HEPN1: variants seen among roughly 807,000 people sequenced by gnomAD.
HEPN1 encodes the protein hepatocellular carcinoma, down-regulated 1, also known as protein HEPN1.
For missense variants in HEPN1, 97 were observed against 103.3 expected (o/e 0.94, Z 0.26); for synonymous variants, 46 against 41.2 (o/e 1.12, Z -0.45).
At chr11:124,919,877 TC>T in the HEPN1 span, 1 of 1,614,172 alleles carries the variant, frequency 6.2e-7, no homozygotes, top group Non-Finnish European at 8.5e-7. Flanking sequence ...ACAGAGGGCC[TC>T]CTTCTCTTTC....
chr11:124,919,554 A>G lies in HEPN1; in HGVS notation c.-197A>G, dbSNP rs1379751623. On this transcript the variant is annotated 5_prime_UTR_variant, in exon 1 of 1. An upstream start codon of the reference 5' UTR is lost. Transcript: ENST00000408930. ...CCTTCTTGAGAAACTTTTCCCCTACATGCATTATCTCATTATGGATGAGGC... is the reference window on the plus strand; with the variant it reads ...CCTTCTTGAGAAACTTTTCCCCTACGTGCATTATCTCATTATGGATGAGGC... 2 of 606,202 alleles carry G rather than the reference A, an allele frequency of 3.3e-6. No homozygotes were observed. Among genetic ancestry groups the G allele is most frequent in the South Asian group, 2.1e-5 (1 of 46,824 alleles). The allele number at this position is 606,202 out of a possible 1,614,324, so 37.6% of individuals were successfully genotyped here.
At position 124,920,352 on chromosome 11, in the gene HEPN1, C is replaced by T. The variant is rs138336103; in HGVS notation, c.*335C>T. On this transcript the variant is annotated 3_prime_UTR_variant, in exon 1 of 1. Coordinates refer to ENST00000408930, the Ensembl canonical transcript of HEPN1. ...AATTCACTTCTCTATAAGAATAAGCCCATCCATCTCTTTTATTCATGAACA... is the reference window on the plus strand; with the variant it reads ...AATTCACTTCTCTATAAGAATAAGCTCATCCATCTCTTTTATTCATGAACA... The T allele has an allele frequency of 3.3e-6, 5 of 1,513,346 alleles. No homozygotes were observed. In the African/African-American group the frequency reaches 6.9e-5, roughly 21 times the overall value. The allele number at this position is 1,513,346 out of a possible 1,614,324, so 93.7% of individuals were successfully genotyped here.
At chr11:124,920,677 GCA>G (rs1491245979), downstream of HEPN1, 579 of 107,916 alleles carry the variant, frequency 5.4e-3, 11 homozygotes, top group South Asian at 0.015. Context: ...ATCTGAACTT[GCA>G]AAAAAAAAAA....
chr11:124,919,780 A>T (rs1947098525), exon 1 of HEPN1: 1 of 1,613,996 alleles, frequency 6.2e-7, no homozygotes, highest in Non-Finnish European at 8.5e-7. Flanking sequence ...GAATTGCTCC[A>T]TGGGTTGATG....
At chr11:124,919,783 G>C in exon 1 of HEPN1, 1 of 1,614,126 alleles carries the variant, frequency 6.2e-7, no homozygotes, top group South Asian at 1.1e-5. Flanking sequence ...TTGCTCCATG[G>C]GTTGATGGCG....
At position 124,919,838 on chromosome 11, in the gene HEPN1, G is replaced by C. The variant is rs146650696; in HGVS notation, c.88G>C (p.Glu30Gln). 609 of 1,614,134 alleles carry C rather than the reference G, an allele frequency of 3.8e-4. 4 individuals carry two copies. In the African/African-American group the frequency reaches 7.5e-3, roughly 20 times the overall value. ...GAGACTAGGGATGCAAGGACCCTTG[G>C]AGGCATTAAGGAGGAGGGAATGGAA... Residue 30 changes from glutamate (E) to glutamine (Q), a missense_variant, in exon 1 of 1, where the codon GAG (glutamate) becomes CAG (glutamine). Transcript: ENST00000408930.
chr11:124,920,677 GCAAAAAAAAAAAAAA>G (rs1456951543), downstream of HEPN1: 6 of 107,836 alleles, frequency 5.6e-5, no homozygotes, highest in East Asian at 8.0e-4. Flanking sequence ...ATCTGAACTT[GCAAAAAAAAAAAAAA>G]AAAAAAAAAA....
Position 124,919,703 on chromosome 11 carries a change from T to G in HEPN1, c.-48T>G. 1 of 1,599,058 alleles carries G rather than the reference T, an allele frequency of 6.3e-7. No homozygotes were observed. The highest frequency in any genetic ancestry group is 8.5e-7 in the Non-Finnish European group (1 of 1,172,486). On this transcript the variant is annotated 5_prime_UTR_variant, in exon 1 of 1. An upstream start codon of the reference 5' UTR is lost. Transcript: ENST00000408930. ...CAGGGCAGAGGGGGCAAACTAGAAA[T>G]GTCAGTGCCTTTGGGGCTGAGACAA...
exon 1 of HEPN1, chr11:124,919,751 A>G (rs1174860359): frequency 3.7e-6 from 6 of 1,613,492 alleles, no homozygotes; most frequent in Non-Finnish European, 5.1e-6. Flanking sequence ...TGTGGAGGTG[A>G]TGGGTAACTG....
exon 1 of HEPN1, chr11:124,920,660 C>T: frequency 3.3e-6 from 2 of 604,776 alleles, no homozygotes; most frequent in Non-Finnish European, 4.0e-6. Flanking sequence ...GGAAAGTGGC[C>T]TCTCTAATCT....
Position 124,919,659 on chromosome 11 carries a change from A to G in HEPN1, c.-92A>G, listed in dbSNP as rs566864287. 3.4e-4 allele frequency: 491 copies of G among 1,424,438 alleles called. 6 individuals carry two copies. The South Asian group carries it at 6.1e-3, about 18-fold the overall frequency. 88.2% of individuals were successfully genotyped at this position (1,424,438 alleles called of 1,614,324 possible). ...AAGTGCCGAGGGACAGGGAGCTGAG[A>G]CAGGCATGCTGTGGGGTTCAGGGCA... On this transcript the variant is annotated 5_prime_UTR_variant, in exon 1 of 1. Transcript: ENST00000408930.
chr11:124,920,070 G>A, exon 1 of HEPN1: 1 of 1,564,994 alleles, frequency 6.4e-7, no homozygotes, highest in Non-Finnish European at 8.7e-7. Context: ...GTGGGAGCAG[G>A]GCAGATGGGT....
At chr11:124,920,300 T>C (rs1947109558) in exon 1 of HEPN1, 1 of 1,218,948 alleles carries the variant, frequency 8.2e-7, no homozygotes, top group Non-Finnish European at 1.1e-6. Context: ...TCATTTGGTC[T>C]AGTTTTCGGG....
At chr11:124,919,431 C>T in exon 1 of HEPN1, 1 of 306,476 alleles carries the variant, frequency 3.3e-6, no homozygotes, top group African/African-American at 2.1e-5. Flanking sequence ...GGATTCAGCA[C>T]CAGGGTATGG....
chr11:124,919,880 T>G, exon 1 of HEPN1: 1 of 1,614,142 alleles, frequency 6.2e-7, no homozygotes, highest in Non-Finnish European at 8.5e-7. Flanking sequence ...GAGGGCCTCC[T>G]TCTCTTTCAG....
exon 1 of HEPN1, chr11:124,920,088 G>A: frequency 1.3e-6 from 2 of 1,518,884 alleles, no homozygotes; most frequent in Non-Finnish European, 1.8e-6. Context: ...GGTGGCAGGA[G>A]GCCAGGGGTT....
chr11:124,919,614 C>T, exon 1 of HEPN1: 3 of 975,210 alleles, frequency 3.1e-6, no homozygotes, highest in Admixed American at 5.3e-5. Context: ...GAAGGCACAC[C>T]TGCTCAAATG....
chr11:124,919,446 T>C, exon 1 of HEPN1: 1 of 386,848 alleles, frequency 2.6e-6, no homozygotes, highest in East Asian at 4.7e-5. Context: ...GTATGGCATG[T>C]TCTCATCTCA....
rs758487880 is a variant in HEPN1 at position 124,920,366 on chromosome 11, T to A, written c.*349T>A. 22 of 1,540,320 alleles carry A rather than the reference T, an allele frequency of 1.4e-5. No homozygotes were observed. The South Asian group carries it at 2.5e-4, about 18-fold the overall frequency. The stretch of plus-strand genomic sequence containing the variant: ...TAAGAATAAGCCCATCCATCTCTTT[T>A]ATTCATGAACAGAGACAGAAAGAGT... On this transcript the variant is annotated 3_prime_UTR_variant, in exon 1 of 1. Coordinates refer to ENST00000408930, the Ensembl canonical transcript of HEPN1.
Sources: allele counts gnomAD v4.1 joint callset, GRCh38; gene constraint gnomAD v4.1.1; transcripts MANE v1.5; gene names NCBI Gene and HGNC (gene_info 2026-07-23, HGNC 2026-07-21).